Variants in CYFIP2 observed in about 807,000 individuals in gnomAD.
The protein encoded by CYFIP2 is cytoplasmic FMR1-interacting protein 2.
Under a neutral mutation model 158.7 loss-of-function variants are expected in CYFIP2, and 29 were observed. The observed-to-expected ratio is 0.18, with a 90% confidence interval of 0.14 to 0.25. The LOEUF (loss-of-function observed/expected upper bound fraction) is 0.25, where lower values mean the gene tolerates loss of function less well. Ranked by LOEUF, CYFIP2 falls within the 10% of genes least tolerant of loss-of-function variation. CYFIP2 has a pLI of 1.00. For missense variants in CYFIP2, 852 were observed against 1,639.5 expected (o/e 0.52, Z 8.29); for synonymous variants, 585 against 617.6 (o/e 0.95, Z 0.78).
intron 10 of CYFIP2, among the ~76,000 whole-genome samples, chr5:157,310,600 G>A (rs540303160): frequency 6.6e-6 from 1 of 152,216 alleles, no homozygotes; most frequent in Non-Finnish European, 1.5e-5. Flanking sequence ...GGTTTTGCAG[G>A]AAAAGCAGGG....
chr5:157,325,896 G>A (rs996271765), intron 17 of CYFIP2: 3 of 538,450 alleles, frequency 5.6e-6, no homozygotes, highest in African/African-American at 3.8e-5. Flanking sequence ...ATCATCTCAG[G>A]AGCAGGTAGC....
At position 157,393,685 on chromosome 5, in the gene CYFIP2, A is replaced by G. The variant is rs545498934; in HGVS notation, c.*685A>G. ...ATCAGGCCTGCTGTGGGGAAGCAGT[A>G]TGTATGAACACAGCCAGAAATGTCA... On this transcript the variant is annotated 3_prime_UTR_variant, in exon 31 of 31. Transcript: ENST00000620254. 1 of 152,410 alleles carries G rather than the reference A, an allele frequency of 6.6e-6. No individual in the cohort carries two copies. The highest frequency in any genetic ancestry group is 1.5e-5 in the Non-Finnish European group (1 of 68,100). The allele number at this position is 152,410 out of a possible 1,614,324, so 9.4% of individuals were successfully genotyped here.
At chr5:157,268,599 C>G (rs1276595601) in intron 1 of CYFIP2, among the ~76,000 whole-genome samples, 2 of 152,242 alleles carry the variant, frequency 1.3e-5, no homozygotes, top group Admixed American at 1.3e-4. Context: ...ACTACACTCT[C>G]AACGCAGCTT....
intron 28 of CYFIP2, chr5:157,384,647 G>T: frequency 2.5e-6 from 1 of 396,196 alleles, no homozygotes. Context: ...GTGATTAAAA[G>T]CTAATCATGG....
intron 26 of CYFIP2, among the ~76,000 whole-genome samples, chr5:157,368,026 G>A (rs1279419753): frequency 6.6e-6 from 1 of 151,896 alleles, no homozygotes; most frequent in Non-Finnish European, 1.5e-5. Context: ...CCGAAGTGCT[G>A]GGATTACAGG....
intron 20 of CYFIP2, 27 bp from the exon 21 acceptor site, chr5:157,333,300 A>G: frequency 6.2e-7 from 1 of 1,613,070 alleles, no homozygotes; most frequent in Non-Finnish European, 8.5e-7. Context: ...AATTTTAAGT[A>G]ACTTTTCTCT....
In CYFIP2 at chr5:157,315,177, A is replaced by G. The variant is rs1362491941; in HGVS notation, c.1356+83A>G. On this transcript the variant is annotated intron_variant, in intron 13 of 30. Coordinates refer to ENST00000620254, the MANE Select transcript of CYFIP2 (RefSeq NM_001037333.3). ...CCTGAGTAGTTCTGAGCAAGAAAAC[A>G]GCATCGGTTGCCCTAATTTTCGTGC... is the stretch of plus-strand genomic sequence containing the variant. 2.6e-6 allele frequency: 4 copies of G among 1,536,690 alleles called. No individual in the cohort carries two copies. In the South Asian group the frequency reaches 5.1e-5, roughly 20 times the overall value.
intron 26 of CYFIP2, among the ~76,000 whole-genome samples, chr5:157,378,028 G>A (rs79269872): frequency 0.015 from 2,237 of 152,248 alleles, 28 homozygotes; most frequent in Non-Finnish European, 0.025. Context: ...GGGCTGGAGG[G>A]GCTTGGAAGA....
chr5:157,391,805 C>CTGGATCGTATGGTAATTCTA (rs2113564861), intron 30 of CYFIP2, among the ~76,000 whole-genome samples: 1 of 151,368 alleles, frequency 6.6e-6, no homozygotes, highest in South Asian at 2.1e-4. Context: ...CGTGGAATTG[C>CTGGATCGTATGGTAATTCTA]TGGATCGTAT....
chr5:157,302,253 C>T (rs1411501523), intron 6 of CYFIP2, among the ~76,000 whole-genome samples: 2 of 152,212 alleles, frequency 1.3e-5, no homozygotes, highest in African/African-American at 4.8e-5. Flanking sequence ...TTTCTCCCAT[C>T]AAGTCCTGCT....
chr5:157,350,518 G>A (rs190536401), intron 23 of CYFIP2, among the ~76,000 whole-genome samples: 23 of 152,258 alleles, frequency 1.5e-4, no homozygotes, highest in Admixed American at 3.3e-4. Context: ...ATGCTGTTTC[G>A]TGACTATAGC....
At chr5:157,327,853 A>C in intron 18 of CYFIP2, 120 bp from the exon 19 acceptor site, 1 of 861,716 alleles carries the variant, frequency 1.2e-6, no homozygotes, top group Non-Finnish European at 1.8e-6. Context: ...TCCCCTTCAA[A>C]GCGTCTTTCC....
At chr5:157,304,411 T>A (rs766396381) in intron 8 of CYFIP2, 45 bp downstream of exon 8, 44 of 1,559,654 alleles carry the variant, frequency 2.8e-5, no homozygotes, top group Non-Finnish European at 3.8e-5. Flanking sequence ...GGGCTTACCC[T>A]CTCACCTTCT....
chr5:157,273,530 G>A (rs1756283861), intron 1 of CYFIP2, among the ~76,000 whole-genome samples: 1 of 152,118 alleles, frequency 6.6e-6, no homozygotes, highest in South Asian at 2.1e-4. Context: ...AAGCTAGCTG[G>A]GCCTGCCCTG....
intron 30 of CYFIP2, 38 bp downstream of exon 30, chr5:157,390,706 T>C: frequency 1.3e-6 from 2 of 1,566,034 alleles, no homozygotes; most frequent in Non-Finnish European, 8.7e-7. Context: ...GAGGTGGGGC[T>C]GGGCTGACAA....
chr5:157,298,566 G>C (rs1057022186), intron 5 of CYFIP2, among the ~76,000 whole-genome samples: 2 of 149,950 alleles, frequency 1.3e-5, no homozygotes, highest in Non-Finnish European at 3.0e-5. Flanking sequence ...GGCTGGTCTC[G>C]AACTCCTGGC....
At chr5:157,359,935 A>G (rs182423253) in intron 24 of CYFIP2, among the ~76,000 whole-genome samples, 111 of 152,342 alleles carry the variant, frequency 7.3e-4, no homozygotes, top group Non-Finnish European at 1.2e-3. Flanking sequence ...GGAGGGATGA[A>G]TGTGCCATGA....
At chr5:157,269,195 TAA>T (rs537710418) in intron 1 of CYFIP2, 2 of 151,844 alleles carry the variant, frequency 1.3e-5, no homozygotes, top group South Asian at 4.2e-4. Flanking sequence ...AAGGGAAAGT[TAA>T]GAGTGATAGG....
At chr5:157,319,678 C>T in intron 13 of CYFIP2, 84 bp from the exon 14 acceptor site, 1 of 1,526,988 alleles carries the variant, frequency 6.5e-7, no homozygotes, top group Non-Finnish European at 8.9e-7. Flanking sequence ...TCACTCCCCG[C>T]CTCCCCTGGC....
Sources: gnomAD v4.1 joint callset for allele counts (sites outside exome capture counted in the v4.1 genomes callset) on GRCh38, gnomAD v4.1.1 for gene constraint, MANE v1.5 for transcripts, NCBI Gene and HGNC (gene_info 2026-07-23, HGNC 2026-07-21) for gene names.